The following NRP2 variants were observed in gnomAD, a reference collection of about 807,000 sequenced individuals.
NRP2 encodes neuropilin-2.
Under a neutral mutation model 110.4 loss-of-function variants are expected in NRP2, and 52 were observed. That is an observed-to-expected ratio of 0.47 (90% CI 0.38 to 0.59). The LOEUF is 0.59. NRP2 is among the 20% of genes least tolerant of loss of function. The pLI, the probability that NRP2 is intolerant of heterozygous loss-of-function variation, is 0.00. For missense variants in NRP2, 1,049 were observed against 1,203.0 expected, an observed-to-expected ratio of 0.87 and a Z score of 1.89; for synonymous variants, 508 against 468.9, an observed-to-expected ratio of 1.08 and a Z score of -1.08.
intron 1 of NRP2, among the ~76,000 whole-genome samples, chr2:205,687,633 A>T (rs565094837): frequency 6.6e-6 from 1 of 152,286 alleles, no homozygotes; most frequent in South Asian, 2.1e-4. Context: ...CATCCCATAG[A>T]GCCCTCAGAC....
chr2:205,774,435 CCTGGGATT>C (rs2058067908), intron 15 of NRP2, among the ~76,000 whole-genome samples: 1 of 152,080 alleles, frequency 6.6e-6, no homozygotes, highest in Admixed American at 6.5e-5. Flanking sequence ...TTCAGGGGAT[CCTGGGATT>C]CTGGGGTCAT....
intron 2 of NRP2, among the ~76,000 whole-genome samples, chr2:205,712,170 A>ACTCGGGG (rs2056811809): frequency 1.3e-5 from 2 of 152,206 alleles, no homozygotes; most frequent in Non-Finnish European, 2.9e-5. Flanking sequence ...GGAGACAAAT[A>ACTCGGGG]AAAAGGCACT....
At chr2:205,752,268 T>C (rs1432313029) in intron 11 of NRP2, among the ~76,000 whole-genome samples, 1 of 152,222 alleles carries the variant, frequency 6.6e-6, no homozygotes, top group Non-Finnish European at 1.5e-5. Context: ...GATGCTGGAC[T>C]GTCCCAGTCT....
At chr2:205,747,296 C>T (rs1309041749) in intron 10 of NRP2, among the ~76,000 whole-genome samples, 1 of 152,168 alleles carries the variant, frequency 6.6e-6, no homozygotes, top group East Asian at 1.9e-4. Flanking sequence ...CAAGTCCTGC[C>T]CCTGCCATTG....
In NRP2 at chr2:205,795,111, G is replaced by A. The variant is rs2058340800; in HGVS notation, c.*53G>A. On this transcript the variant is annotated 3_prime_UTR_variant, in exon 17 of 17. Coordinates refer to ENST00000357785, the MANE Select transcript of NRP2 (RefSeq NM_003872.3). ...TTTCATTCCAGCAAGAGGGGCTGGGGAAGATTACATTTTTTTTTCCTTTGG... is the reference window on the plus strand; with the variant it reads ...TTTCATTCCAGCAAGAGGGGCTGGGAAAGATTACATTTTTTTTTCCTTTGG... 3.9e-6 allele frequency: 6 copies of A among 1,522,320 alleles called. No homozygotes were observed. Among genetic ancestry groups the A allele is most frequent in the African/African-American group, 1.4e-5 (1 of 72,988 alleles). The allele number at this position is 1,522,320 out of a possible 1,614,324, so 94.3% of individuals were successfully genotyped here.
rs2056163741 is a variant in NRP2 at position 205,686,363 on chromosome 2, G to C, written c.73+3000G>C. Among the ~76,000 whole-genome samples the C allele has an allele frequency of 6.6e-6, 1 of 152,134 alleles. No homozygotes were observed. Among genetic ancestry groups the C allele is most frequent in the Admixed American group, 6.5e-5 (1 of 15,280 alleles). On this transcript the variant is annotated intron_variant, in intron 1 of 16. Transcript: ENST00000357785. This position sits in a 1 kb window ranked among gnomAD's most constrained non-coding sequence, Gnocchi z 4.7. ...TGCCTGCAGCCGCCGGCGAGTTCCC[G>C]CCTCCCCTCCCCAGCCGCCTCGCTC...
At chr2:205,782,836 A>G (rs1214490053) in intron 15 of NRP2, among the ~76,000 whole-genome samples, 1 of 151,106 alleles carries the variant, frequency 6.6e-6, no homozygotes, top group Non-Finnish European at 1.5e-5. Context: ...CCTGTTGATG[A>G]GTGTTCAGAC....
chr2:205,784,974 A>T (rs1280761490), intron 15 of NRP2, among the ~76,000 whole-genome samples: 1 of 152,202 alleles, frequency 6.6e-6, no homozygotes, highest in African/African-American at 2.4e-5. Flanking sequence ...GGGGGAAATC[A>T]TCTCTTGAAT....
chr2:205,782,532 G>T (rs2058186843), intron 15 of NRP2, among the ~76,000 whole-genome samples: 1 of 152,148 alleles, frequency 6.6e-6, no homozygotes. Context: ...CCTCCCCAGA[G>T]GTAACTGTGA....
chr2:205,743,306 C>T lies in NRP2; in HGVS notation c.1395C>T (p.Ala465=). The change falls in exon 9 of 17, where the codon GCC becomes GCT. Residue 465 remains alanine, a synonymous_variant. Coordinates refer to ENST00000357785, the MANE Select transcript of NRP2 (RefSeq NM_003872.3). ...AATACCTCTGGAGCCCCAGTGCAGC[C>T]CGCCTGGTTAGCAGCCGCTCGGGCT... The part of the protein sequence containing the change: ...TQEYLWSPSA[A]RLVSSRSGWF... 1 of 1,614,174 alleles carries T rather than the reference C, an allele frequency of 6.2e-7. No individual in the cohort carries two copies.
At chr2:205,690,158 G>A (rs1213814227) in intron 1 of NRP2, among the ~76,000 whole-genome samples, 2 of 152,106 alleles carry the variant, frequency 1.3e-5, no homozygotes, top group South Asian at 2.1e-4. Flanking sequence ...TTACTAGACC[G>A]AATGCTAATA....
At chr2:205,744,003 C>CAG (rs895657305) in intron 9 of NRP2, among the ~76,000 whole-genome samples, 11 of 152,312 alleles carry the variant, frequency 7.2e-5, no homozygotes, top group African/African-American at 2.6e-4. Flanking sequence ...CTTGGCCTCT[C>CAG]AAAGTGCTGG....
chr2:205,686,218 CCCTCCT>C lies in NRP2; in HGVS notation c.73+2871_73+2876del, dbSNP rs147331324. ...CGCCTCCAACTACTCCATGCTTGTG[CCCTCCT>C]CCTCCTCCTCCTCCTAAGGACACCC... On this transcript the variant is annotated intron_variant, in intron 1 of 16. Coordinates refer to ENST00000357785, the MANE Select transcript of NRP2 (RefSeq NM_003872.3). This position sits in a 1 kb window ranked among gnomAD's most constrained non-coding sequence, Gnocchi z 4.7. Among the ~76,000 whole-genome samples the C allele has an allele frequency of 6.6e-5, 10 of 151,896 alleles. No homozygotes were observed. The highest frequency in any genetic ancestry group is 4.2e-4 in the South Asian group (2 of 4,808).
intron 2 of NRP2, among the ~76,000 whole-genome samples, chr2:205,714,541 G>GTCT (rs1559320575): frequency 6.6e-6 from 1 of 152,172 alleles, no homozygotes; most frequent in Non-Finnish European, 1.5e-5. Context: ...CAAATGAAGC[G>GTCT]TCTTTTTACT....
At chr2:205,766,906 A>C in intron 15 of NRP2, 103 bp downstream of exon 15, 1 of 1,073,142 alleles carries the variant, frequency 9.3e-7, no homozygotes, top group Non-Finnish European at 1.4e-6. Flanking sequence ...AATTTGTCAA[A>C]TCTCGCAAGA....
At chr2:205,764,071 C>A in intron 13 of NRP2, 135 bp downstream of exon 13, 3 of 1,127,708 alleles carry the variant, frequency 2.7e-6, no homozygotes, top group Non-Finnish European at 3.8e-6. Flanking sequence ...AACTGAATGA[C>A]ACTCTTATTT....
intron 7 of NRP2, among the ~76,000 whole-genome samples, chr2:205,733,541 G>A (rs1218950613): frequency 6.6e-6 from 1 of 152,128 alleles, no homozygotes; most frequent in Non-Finnish European, 1.5e-5. Context: ...TGAAGAGGCA[G>A]GCAGGTGGCA....
chr2:205,791,180 C>A (rs866773531), intron 15 of NRP2, among the ~76,000 whole-genome samples: 1 of 152,086 alleles, frequency 6.6e-6, no homozygotes, highest in East Asian at 1.9e-4. Flanking sequence ...CTTTTTCTCC[C>A]TCTTGTCTGA....
chr2:205,747,055 C>A (rs1436073792), intron 10 of NRP2, among the ~76,000 whole-genome samples: 1 of 152,164 alleles, frequency 6.6e-6, no homozygotes, highest in Admixed American at 6.5e-5. Context: ...CAGAAAACCT[C>A]CCCCCGATAC....
Sources: allele counts gnomAD v4.1 joint callset (sites outside exome capture counted in the v4.1 genomes callset), GRCh38; gene constraint gnomAD v4.1.1; non-coding constraint Gnocchi (gnomAD v3.1); transcripts MANE v1.5; gene names NCBI Gene and HGNC (gene_info 2026-07-23, HGNC 2026-07-21).